The following KLHL4 variants were observed in gnomAD, a reference collection of about 807,000 sequenced individuals.
KLHL4 encodes kelch like family member 4, also known as kelch-like protein 4.
In KLHL4, 17 loss-of-function variants were observed where a neutral mutation model predicts 45.8. That is an observed-to-expected ratio of 0.37 (90% CI 0.25 to 0.56). KLHL4 has a LOEUF of 0.56. Among genes scored for constraint, KLHL4 ranks in the 20% least tolerant of loss-of-function variants. The pLI is 0.79. For synonymous variants in KLHL4, 224 were observed against 189.9 expected, an observed-to-expected ratio of 1.18 and a Z score of -1.47; for missense variants, 544 against 544.9, an observed-to-expected ratio of 1.00 and a Z score of 0.02.
At chrX:87,600,391 G>A (rs1469306529) in intron 1 of KLHL4, among the ~76,000 whole-genome samples, 1 of 109,641 alleles carries the variant, frequency 9.1e-6, no homozygotes, top group Non-Finnish European at 1.9e-5. Context: ...GCTGAGGCAG[G>A]AGAATGGCGT....
At chrX:87,614,086 A>G (rs999882777) in intron 2 of KLHL4, 42 bp downstream of exon 2, 1 of 954,586 alleles carries the variant, frequency 1.0e-6, no homozygotes, top group African/African-American at 1.9e-5. Flanking sequence ...GAGTAGGGCA[A>G]TTATAAATAA....
chrX:87,522,588 T>C (rs1931023789), intron 1 of KLHL4, among the ~76,000 whole-genome samples: 1 of 111,994 alleles, frequency 8.9e-6, no homozygotes, highest in African/African-American at 3.2e-5. Context: ...AACTTTACAC[T>C]GCATTATTCA....
chrX:87,612,920 C>G (rs1457773564), intron 1 of KLHL4, among the ~76,000 whole-genome samples: 1 of 111,346 alleles, frequency 9.0e-6, no homozygotes, highest in East Asian at 2.8e-4. Flanking sequence ...CAGAACAAGT[C>G]AACAAGAGTG....
rs1401004160 is a variant in KLHL4, at chrX:87,668,462, G to A, written c.*1928G>A. 16 of 751,732 alleles carry A rather than the reference G, an allele frequency of 2.1e-5. No individual in the cohort carries two copies. Among genetic ancestry groups the A allele is most frequent in the Non-Finnish European group, 2.5e-5 (16 of 638,339 alleles). The allele number at this position is 751,732 out of a possible 1,213,427, so 62.0% of individuals were successfully genotyped here. ...ATAGAAGAGACATGTATGTTTCCCGGGGCTACCCCTTCATAGCTGCATTTA... is the reference window on the plus strand; with the variant it reads ...ATAGAAGAGACATGTATGTTTCCCGAGGCTACCCCTTCATAGCTGCATTTA... On this transcript the variant is annotated 3_prime_UTR_variant, in exon 11 of 11. Transcript: ENST00000373119.
At chrX:87,651,751 C>T (rs1012948515) in intron 9 of KLHL4, among the ~76,000 whole-genome samples, 4 of 112,108 alleles carry the variant, frequency 3.6e-5, no homozygotes, top group Non-Finnish European at 7.5e-5. Flanking sequence ...CACAGACTGG[C>T]ATTGAGTGTC....
At chrX:87,621,130 ACT>A (rs1176078665) in intron 4 of KLHL4, among the ~76,000 whole-genome samples, 1 of 111,761 alleles carries the variant, frequency 8.9e-6, no homozygotes, top group Admixed American at 9.6e-5. Flanking sequence ...TTCCACAATG[ACT>A]CAACTAAAAG....
chrX:87,564,903 C>T (rs1932175289), intron 1 of KLHL4, among the ~76,000 whole-genome samples: 3 of 111,444 alleles, frequency 2.7e-5, no homozygotes, highest in South Asian at 3.7e-4. Flanking sequence ...CCAGGGAAAA[C>T]GATGTATTAG....
intron 1 of KLHL4, among the ~76,000 whole-genome samples, chrX:87,596,026 T>C (rs1044598165): frequency 1.8e-5 from 2 of 110,763 alleles, no homozygotes; most frequent in Non-Finnish European, 3.8e-5. Context: ...AGTGAGTGAA[T>C]TCTCATGAGA....
chrX:87,530,032 A>G (rs1203513088), intron 1 of KLHL4, among the ~76,000 whole-genome samples: 1 of 111,518 alleles, frequency 9.0e-6, no homozygotes, highest in Non-Finnish European at 1.9e-5. Flanking sequence ...GCCCTTTGTC[A>G]GATGAGTAGG....
chrX:87,586,297 A>G (rs1164233244), intron 1 of KLHL4, among the ~76,000 whole-genome samples: 1 of 111,153 alleles, frequency 9.0e-6, no homozygotes, highest in Non-Finnish European at 1.9e-5. Flanking sequence ...ATTTATAGTC[A>G]TTTCATCCAA....
chrX:87,655,655 A>G (rs1351051802), intron 9 of KLHL4, among the ~76,000 whole-genome samples: 1 of 111,064 alleles, frequency 9.0e-6, no homozygotes, highest in Non-Finnish European at 1.9e-5. Flanking sequence ...AACCTATTTA[A>G]TTGGCATATT....
At chrX:87,623,264 T>G (rs1922812617) in intron 5 of KLHL4, among the ~76,000 whole-genome samples, 1 of 107,977 alleles carries the variant, frequency 9.3e-6, no homozygotes, top group Admixed American at 1.0e-4. Context: ...AGATTGTTAA[T>G]CTGTTGATGA....
chrX:87,582,196 T>A (rs749472693), intron 1 of KLHL4, among the ~76,000 whole-genome samples: 4 of 111,767 alleles, frequency 3.6e-5, no homozygotes, highest in African/African-American at 1.3e-4. Flanking sequence ...AATAAGTATC[T>A]ACATAGAAAA....
chrX:87,625,654 T>A lies in KLHL4; in HGVS notation c.1182T>A (p.Leu394=). 1.7e-6 allele frequency: 2 copies of A among 1,208,929 alleles called. No individual in the cohort carries two copies. The highest frequency in any genetic ancestry group is 2.2e-6 in the Non-Finnish European group (2 of 893,869). ...CCAGTTCCATGTTTACTGGTGATCT[T>A]GAGTGTCAGAAGCTCCTGATGGAAG... ...LETSSMFTGD[L]ECQKLLMEAM... is the part of the protein sequence containing the mutation. Residue 394 remains leucine, a synonymous_variant, in exon 6 of 11, where the codon CTT becomes CTA. Transcript: ENST00000373119.
At chrX:87,612,586 C>A (rs775160513) in intron 1 of KLHL4, among the ~76,000 whole-genome samples, 1 of 111,785 alleles carries the variant, frequency 8.9e-6, no homozygotes, top group African/African-American at 3.2e-5. Context: ...CACAAGACTG[C>A]ATAATATTGT....
At chrX:87,605,977 C>T (rs2147808937) in intron 1 of KLHL4, among the ~76,000 whole-genome samples, 1 of 110,819 alleles carries the variant, frequency 9.0e-6, no homozygotes, top group East Asian at 2.8e-4. Context: ...TTTTCTGTGT[C>T]TATTAAGATG....
In KLHL4 at chrX:87,669,863, A is replaced by G. The variant is rs1602475911; in HGVS notation, c.*3329A>G. 8.8e-6 allele frequency: 1 copy of G among 114,081 alleles called. No individual in the cohort carries two copies. The highest frequency in any genetic ancestry group is 1.8e-5 in the Non-Finnish European group (1 of 54,684). The allele number at this position is 114,081 out of a possible 1,213,427, so 9.4% of individuals were successfully genotyped here. ...AGCATGGATCTCCATATTTCAAAGG[A>G]AAGTTTTAAAAATGTTTTTAAAACT... On this transcript the variant is annotated 3_prime_UTR_variant, in exon 11 of 11. Transcript: ENST00000373119.
chrX:87,645,605 G>A (rs1238211968), intron 9 of KLHL4, among the ~76,000 whole-genome samples: 1 of 111,796 alleles, frequency 8.9e-6, no homozygotes, highest in Non-Finnish European at 1.9e-5. Flanking sequence ...GCACATGTAT[G>A]TTTATAGCAG....
intron 1 of KLHL4, among the ~76,000 whole-genome samples, chrX:87,554,886 C>T (rs1931932959): frequency 9.7e-6 from 1 of 103,542 alleles, no homozygotes. Flanking sequence ...TTTTGAGATA[C>T]GTCCCATCAA....
Sources: allele counts gnomAD v4.1 joint callset (sites outside exome capture counted in the v4.1 genomes callset), GRCh38; gene constraint gnomAD v4.1.1; transcripts MANE v1.5; gene names NCBI Gene and HGNC (gene_info 2026-07-23, HGNC 2026-07-21).